Variants in HRG observed in about 807,000 individuals in gnomAD.
The protein encoded by HRG is histidine-rich glycoprotein.
Under a neutral mutation model 29.5 loss-of-function variants are expected in HRG, and 26 were observed. The ratio of observed to expected loss-of-function variants is 0.88; its 90% CI spans 0.65 to 1.22. HRG has a LOEUF of 1.22. Among genes scored for constraint, HRG ranks in the 50% most tolerant of loss-of-function variants. The pLI, the probability that HRG is intolerant of heterozygous loss-of-function variation, is 0.00. For synonymous variants in HRG, 243 were observed against 240.4 expected (o/e 1.01, Z -0.10); for missense variants, 671 against 654.5 (o/e 1.03, Z -0.28).
chr3:186,669,699 G>A (rs978635104), intron 2 of HRG: 1 of 546,080 alleles, frequency 1.8e-6, no homozygotes, highest in Non-Finnish European at 3.3e-6. Context: ...TTTGGGGTAT[G>A]GCCATGATGC....
At chr3:186,674,591 C>A (rs369323658) in intron 5 of HRG, 8 of 230,182 alleles carry the variant, frequency 3.5e-5, no homozygotes, top group South Asian at 6.9e-5. Context: ...CCAGTTGTAG[C>A]CCTGGCACTT....
At chr3:186,666,316 G>A in intron 1 of HRG, 102 bp downstream of exon 1, 1 of 1,266,620 alleles carries the variant, frequency 7.9e-7, no homozygotes. Flanking sequence ...AATGGCTTTG[G>A]TCAGAGTTTT....
At chr3:186,668,556 C>A in intron 1 of HRG, 1 of 221,584 alleles carries the variant, frequency 4.5e-6, no homozygotes, top group African/African-American at 2.3e-5. Context: ...AGCAGAAAAT[C>A]CCATGATCAG....
In HRG at chr3:186,671,736, A is replaced by T. The variant is rs1718801724; in HGVS notation, c.505A>T (p.Asn169Tyr). ...AGCCCTTGAGAAGTACAAAGAGGAG[A>T]ATGATGACTTTGCCTCTTTCAGAGT... ...NKALEKYKEE[N>Y]DDFASFRVDR... is the part of the protein sequence containing the mutation. Residue 169 changes from asparagine to tyrosine, a missense_variant, in exon 4 of 7, where the codon AAT becomes TAT. Transcript: ENST00000232003. The T allele has an allele frequency of 6.2e-7, 1 of 1,613,876 alleles. No homozygotes were observed. Among genetic ancestry groups the T allele is most frequent in the Admixed American group, 1.7e-5 (1 of 59,988 alleles).
chr3:186,666,332 T>A, intron 1 of HRG, 118 bp downstream of exon 1: 1 of 1,038,028 alleles, frequency 9.6e-7, no homozygotes, highest in Non-Finnish European at 1.5e-6. Context: ...GTTTTTTGTT[T>A]GGCTTCTGCG....
chr3:186,669,868 C>G, intron 2 of HRG, 70 bp from the exon 3 acceptor site: 1 of 814,102 alleles, frequency 1.2e-6, no homozygotes, highest in East Asian at 2.4e-5. Context: ...CCTTTTTGCT[C>G]TTTCATATCT....
chr3:186,668,833 A>G (rs1269685699), intron 1 of HRG, 102 bp from the exon 2 acceptor site: 1 of 720,338 alleles, frequency 1.4e-6, no homozygotes, highest in Non-Finnish European at 2.5e-6. Context: ...AGTGAGAGGA[A>G]CAGGAATTCT....
chr3:186,674,283 G>T (rs2108580131), intron 5 of HRG: 1 of 152,576 alleles, frequency 6.6e-6, no homozygotes, highest in East Asian at 1.9e-4. Context: ...AGCTGAAGAG[G>T]AGGCTCAGGG....
Position 186,677,090 on chromosome 3 carries a change from C to G in HRG, c.785C>G (p.Pro262Arg). 1 of 1,613,896 alleles carries G rather than the reference C, an allele frequency of 6.2e-7. No individual in the cohort carries two copies. The highest frequency in any genetic ancestry group is 8.5e-7 in the Non-Finnish European group (1 of 1,179,894). ...GGTGTACCGCCTCATTTGGGACATC[C>G]CTTCCACTGGGGTGGGCATGAGCGT... Reference protein sequence around the residue: ...INGVPPHLGHPFHWGGHERSS... With the variant: ...INGVPPHLGHRFHWGGHERSS... Residue 262 changes from proline to arginine, a missense_variant, in exon 7 of 7, where the codon CCC becomes CGC. Coordinates refer to ENST00000232003, the MANE Select transcript of HRG (RefSeq NM_000412.5).
chr3:186,672,836 GCCCCAGACACCATTT>G lies in HRG; in HGVS notation c.620_634del (p.His207_His211del), dbSNP rs1718846072. The G allele has an allele frequency of 1.2e-6, 2 of 1,612,152 alleles. No homozygotes were observed. The highest frequency in any genetic ancestry group is 1.7e-6 in the Non-Finnish European group (2 of 1,178,330). ...TTCGTGGACTTCTCTGTGCGGAACT[GCCCCAGACACCATTT>G]CCCCAGACACCCCAATGTGAGTATA... On this transcript the variant is annotated inframe_deletion, in exon 5 of 7. Coordinates refer to ENST00000232003, the MANE Select transcript of HRG (RefSeq NM_000412.5).
chr3:186,673,044 G>A, intron 5 of HRG, 177 bp downstream of exon 5: 1 of 677,710 alleles, frequency 1.5e-6, no homozygotes, highest in Admixed American at 2.1e-5. Flanking sequence ...AGTATCATCT[G>A]GGAAGCACTT....
At chr3:186,675,304 T>TGA (rs1474974601) in intron 6 of HRG, 114 bp downstream of exon 6, 34,181 of 479,358 alleles carry the variant, frequency 0.071, 1,018 homozygotes, top group Non-Finnish European at 0.087. Flanking sequence ...TGTGTGTGTG[T>TGA]GTGTGAGAGA....
intron 1 of HRG, 162 bp from the exon 2 acceptor site, chr3:186,668,773 T>C: frequency 1.6e-6 from 1 of 618,612 alleles, no homozygotes; most frequent in Non-Finnish European, 2.9e-6. Context: ...TGAAGCTATG[T>C]ATTGGAATCA....
At chr3:186,673,025 G>A (rs1718855433) in intron 5 of HRG, 158 bp downstream of exon 5, 1 of 696,020 alleles carries the variant, frequency 1.4e-6, no homozygotes, top group Non-Finnish European at 2.6e-6. Flanking sequence ...AAATGTCTGT[G>A]AAATACAAAG....
intron 3 of HRG, 36 bp from the exon 4 acceptor site, chr3:186,671,587 G>C (rs1718792333): frequency 6.2e-7 from 1 of 1,604,156 alleles, no homozygotes; most frequent in African/African-American, 1.3e-5. Flanking sequence ...AACATTTCCA[G>C]CCCTTTACTG....
chr3:186,673,088 A>G lies in HRG; in HGVS notation c.639+221A>G, dbSNP rs577371988. The G allele has an allele frequency of 3.1e-5, 19 of 609,256 alleles. No homozygotes were observed. In the African/African-American group the frequency reaches 3.5e-4, roughly 11 times the overall value. The allele number at this position is 609,256 out of a possible 1,614,324, so 37.7% of individuals were successfully genotyped here. On this transcript the variant is annotated intron_variant, in intron 5 of 6. Coordinates refer to ENST00000232003, the MANE Select transcript of HRG (RefSeq NM_000412.5). ...CCAGGCACTCTTCTAAGTGATTTAC[A>G]CATCAGATAACTTATTGTTTTGTTT...
chr3:186,668,822 CAGTG>C, intron 1 of HRG, 109 bp from the exon 2 acceptor site: 1 of 701,378 alleles, frequency 1.4e-6, no homozygotes, highest in Non-Finnish European at 2.6e-6. Flanking sequence ...TCTGCAAAGA[CAGTG>C]AGAGGAACAG....
chr3:186,671,652 A>G lies in HRG; in HGVS notation c.421A>G (p.Ser141Gly). 6.2e-7 allele frequency: 1 copy of G among 1,614,102 alleles called. No homozygotes were observed. The highest frequency in any genetic ancestry group is 1.7e-4 in the Middle Eastern group (1 of 6,060). Reference protein sequence around the residue: ...VSSALANTKDSPVLIDFFEDT... With the variant: ...VSSALANTKDGPVLIDFFEDT... ...TTCAGCACTGGCCAATACCAAAGAT[A>G]GTCCGGTCCTCATAGATTTCTTTGA... The change falls in exon 4 of 7, where the codon AGT (serine) becomes GGT (glycine). Residue 141 changes from serine (S) to glycine (G), a missense_variant. Coordinates refer to ENST00000232003, the MANE Select transcript of HRG (RefSeq NM_000412.5).
intron 4 of HRG, 41 bp downstream of exon 4, chr3:186,671,830 G>A (rs1416997022): frequency 2.5e-6 from 4 of 1,580,784 alleles, no homozygotes; most frequent in Middle Eastern, 1.7e-4. Context: ...TGAAGGCCCA[G>A]GCTCCAACCT....
Sources: gnomAD v4.1 joint callset for allele counts on GRCh38, gnomAD v4.1.1 for gene constraint, MANE v1.5 for transcripts, NCBI Gene and HGNC (gene_info 2026-07-23, HGNC 2026-07-21) for gene names.